Variants in MTCL1 observed in about 807,000 individuals in gnomAD.
MTCL1 encodes the protein microtubule crosslinking factor 1.
Under a neutral mutation model 141.4 loss-of-function variants are expected in MTCL1, and 79 were observed. The observed-to-expected ratio is 0.56, with a 90% confidence interval of 0.47 to 0.67. MTCL1 has a LOEUF of 0.67. Ranked by LOEUF, MTCL1 falls within the 30% of genes least tolerant of loss-of-function variation. The probability of loss-of-function intolerance (pLI) is 0.00; values close to 1 mark genes in which losing one functional copy is unlikely to be tolerated. For missense variants in MTCL1, 2,177 were observed against 2,113.9 expected (o/e 1.03, Z -0.59); for synonymous variants, 914 against 875.8 (o/e 1.04, Z -0.77).
At position 8,757,949 on chromosome 18, in the gene MTCL1, G is replaced by A. The variant is rs945000463; in HGVS notation, c.358-19884G>A. On this transcript the variant is annotated intron_variant, in intron 4 of 16. Transcript: ENST00000359865. ...GCTTTTTTATCCAAGAAAGATAAAA[G>A]GAAATATCACAAGCTGCTCCTTTGT... is the stretch of plus-strand genomic sequence containing the variant. Among the ~76,000 whole-genome samples, 6 of 151,884 alleles carry A rather than the reference G, an allele frequency of 4.0e-5. No individual in the cohort carries two copies. In the East Asian group the frequency reaches 1.2e-3, roughly 29 times the overall value.
chr18:8,815,809 G>C (rs1348542828), intron 12 of MTCL1, among the ~76,000 whole-genome samples: 1 of 152,038 alleles, frequency 6.6e-6, no homozygotes, highest in Non-Finnish European at 1.5e-5. Flanking sequence ...CAGTCCTCAA[G>C]GTGGACATCT....
rs191239067 is a variant in MTCL1 at position 8,774,138 on chromosome 18, C to G, written c.358-3695C>G. Among the ~76,000 whole-genome samples the G allele has an allele frequency of 3.9e-5, 6 of 152,278 alleles. No individual in the cohort carries two copies. The East Asian group carries it at 1.2e-3, about 29-fold the overall frequency. On this transcript the variant is annotated intron_variant, in intron 4 of 16. Coordinates refer to ENST00000359865, the Ensembl canonical transcript of MTCL1. ...AATTAAAGTTTGTTTACAAAACAGG[C>G]TGTGGGTTGATTTGTCCTGAGGGCC...
At chr18:8,781,037 C>T (rs1461784677) in intron 5 of MTCL1, among the ~76,000 whole-genome samples, 2 of 151,820 alleles carry the variant, frequency 1.3e-5, no homozygotes, top group Non-Finnish European at 2.9e-5. Flanking sequence ...CATGGTGGCA[C>T]ACTCCTGTAG....
At position 8,745,026 on chromosome 18, in the gene MTCL1, T is replaced by A. The variant is rs16954054; in HGVS notation, c.357+24530T>A. Among the ~76,000 whole-genome samples, 268 of 152,322 alleles carry A rather than the reference T, an allele frequency of 1.8e-3. 2 individuals are homozygous for A. Among genetic ancestry groups the A allele is most frequent in the African/African-American group, 6.2e-3 (258 of 41,558 alleles). On this transcript the variant is annotated intron_variant, in intron 4 of 16. Transcript: ENST00000359865. ...TCTGCAAAGACATTACAGCTGCCAA[T>A]GGAGGATCAGAGCAGTGAGTTCACC...
At chr18:8,760,932 A>C (rs1292276936) in intron 4 of MTCL1, among the ~76,000 whole-genome samples, 1 of 152,256 alleles carries the variant, frequency 6.6e-6, no homozygotes, top group Non-Finnish European at 1.5e-5. Context: ...TGATTAAAAT[A>C]TGCTGCTTTG....
chr18:8,742,989 A>T (rs1049366850), intron 4 of MTCL1, among the ~76,000 whole-genome samples: 2 of 152,238 alleles, frequency 1.3e-5, no homozygotes, highest in Non-Finnish European at 2.9e-5. Context: ...TTTTCTACTT[A>T]TCACAATTAA....
chr18:8,709,034 C>G (rs1371472445), intron 1 of MTCL1, among the ~76,000 whole-genome samples: 2 of 152,200 alleles, frequency 1.3e-5, no homozygotes, highest in African/African-American at 4.8e-5. Flanking sequence ...GACTTTTCTA[C>G]AGGTCGTGGA....
intron 4 of MTCL1, among the ~76,000 whole-genome samples, chr18:8,770,725 T>C (rs751237021): frequency 2.0e-5 from 3 of 152,160 alleles, no homozygotes; most frequent in Non-Finnish European, 2.9e-5. Flanking sequence ...CCAACACATA[T>C]GGTAGTTGTT....
rs945508174 is a variant in MTCL1 at position 8,745,994 on chromosome 18, CT to C, written c.357+25503del. On this transcript the variant is annotated intron_variant, in intron 4 of 16. Coordinates refer to ENST00000359865, the Ensembl canonical transcript of MTCL1. ...ATAATTGGAATCATACAGTATTTGTCTTTTTGTGTGTTTGGCTTATTTCGCT... is the reference window on the plus strand; with the variant it reads ...ATAATTGGAATCATACAGTATTTGTCTTTTGTGTGTTTGGCTTATTTCGCT... 8.5e-5 allele frequency among the ~76,000 whole-genome samples: 13 copies of C among 152,188 alleles called. 2 individuals are homozygous for C. The highest frequency in any genetic ancestry group is 7.9e-4 in the Admixed American group (12 of 15,274).
chr18:8,727,262 CAT>C (rs1264052222), intron 4 of MTCL1, among the ~76,000 whole-genome samples: 6 of 152,168 alleles, frequency 3.9e-5, no homozygotes, highest in Non-Finnish European at 7.3e-5. Flanking sequence ...TCAATAAACA[CAT>C]GAGTGTAGGT....
At chr18:8,753,666 A>G (rs1238709270) in intron 4 of MTCL1, among the ~76,000 whole-genome samples, 1 of 152,178 alleles carries the variant, frequency 6.6e-6, no homozygotes, top group East Asian at 1.9e-4. Flanking sequence ...CCACCATGTT[A>G]TAGCCATTTT....
intron 4 of MTCL1, among the ~76,000 whole-genome samples, chr18:8,770,248 T>C (rs1230640518): frequency 6.6e-6 from 1 of 152,246 alleles, no homozygotes; most frequent in African/African-American, 2.4e-5. Flanking sequence ...TTCTTGTCTG[T>C]TACTCAGTGG....
exon 15 of MTCL1, chr18:8,825,596 C>A (rs748223247): frequency 1.9e-6 from 3 of 1,613,764 alleles, no homozygotes; most frequent in Non-Finnish European, 2.5e-6. Flanking sequence ...CGTCTCCTTC[C>A]CGGAGCCTTA....
At chr18:8,793,495 A>G (rs1598695466) in intron 8 of MTCL1, among the ~76,000 whole-genome samples, 1 of 152,224 alleles carries the variant, frequency 6.6e-6, no homozygotes, top group South Asian at 2.1e-4. Context: ...AAAATCAGCA[A>G]CCTCACCCTA....
At chr18:8,748,322 G>A (rs1043330043) in intron 4 of MTCL1, among the ~76,000 whole-genome samples, 5 of 152,086 alleles carry the variant, frequency 3.3e-5, no homozygotes, top group Admixed American at 6.5e-5. Flanking sequence ...CAGGAGGATC[G>A]CTTGAGCCCC....
At chr18:8,769,577 CA>C (rs2096476237) in intron 4 of MTCL1, among the ~76,000 whole-genome samples, 1 of 152,162 alleles carries the variant, frequency 6.6e-6, no homozygotes. Flanking sequence ...AAATGTATGT[CA>C]TGTTCCCGAG....
intron 4 of MTCL1, 39 bp downstream of exon 3, chr18:8,720,535 A>G (rs528241379): frequency 6.3e-7 from 1 of 1,588,842 alleles, no homozygotes; most frequent in South Asian, 1.1e-5. Flanking sequence ...CCTTGGATTT[A>G]ATAAGGAGGA....
At chr18:8,785,652 A>G (rs1313245092) in intron 6 of MTCL1, 4 of 431,252 alleles carry the variant, frequency 9.3e-6, no homozygotes, top group Non-Finnish European at 1.7e-5. Context: ...CCCCGTAACC[A>G]GTGTTTTGCA....
At chr18:8,712,556 A>G (rs1338209199), upstream of MTCL1, among the ~76,000 whole-genome samples, 1 of 152,208 alleles carries the variant, frequency 6.6e-6, no homozygotes, top group East Asian at 1.9e-4. Flanking sequence ...AAGGGTTAAC[A>G]TGGACAGTAT....
Sources: gnomAD v4.1 joint callset for allele counts (sites outside exome capture counted in the v4.1 genomes callset) on GRCh38, gnomAD v4.1.1 for gene constraint, MANE v1.5 for transcripts, NCBI Gene and HGNC (gene_info 2026-07-23, HGNC 2026-07-21) for gene names.